Variants in CNTN4 observed in about 807,000 individuals in gnomAD.
The protein encoded by CNTN4 is contactin-4.
In CNTN4, 77 loss-of-function variants were observed where a neutral mutation model predicts 122.5. The ratio of observed to expected loss-of-function variants is 0.63; its 90% CI spans 0.52 to 0.76. The LOEUF is 0.76. Ranked by LOEUF, CNTN4 falls within the 30% of genes least tolerant of loss-of-function variation. The pLI is 0.00. For missense variants in CNTN4, 1,256 were observed against 1,259.1 expected, an observed-to-expected ratio of 1.00 and a Z score of 0.04; for synonymous variants, 512 against 447.0, an observed-to-expected ratio of 1.15 and a Z score of -1.83.
chr3:2,148,496 G>A (rs1358902553), intron 2 of CNTN4, among the ~76,000 whole-genome samples: 9 of 151,636 alleles, frequency 5.9e-5, no homozygotes, highest in African/African-American at 2.2e-4. Context: ...TTGCACCACT[G>A]CACTTCAGCC....
At chr3:2,323,411 C>T (rs924661) in intron 2 of CNTN4, among the ~76,000 whole-genome samples, 54,415 of 152,046 alleles carry the variant, frequency 0.36, 10,536 homozygotes, top group East Asian at 0.79. Flanking sequence ...AAGTGCACAT[C>T]CGTCCCTTAA....
At chr3:2,241,457 A>C (rs893723427) in intron 2 of CNTN4, among the ~76,000 whole-genome samples, 1 of 151,798 alleles carries the variant, frequency 6.6e-6, no homozygotes, top group African/African-American at 2.4e-5. Context: ...ATTTGCTCCT[A>C]TCTCTCTGTC....
intron 7 of CNTN4, among the ~76,000 whole-genome samples, chr3:2,822,011 G>T (rs906188081): frequency 6.6e-6 from 1 of 152,208 alleles, no homozygotes; most frequent in East Asian, 1.9e-4. Context: ...GGTGCTAAAA[G>T]GCATGTACTT....
At chr3:2,104,226 C>A (rs2032236626) in intron 2 of CNTN4, among the ~76,000 whole-genome samples, 1 of 135,920 alleles carries the variant, frequency 7.4e-6, no homozygotes, top group Non-Finnish European at 1.6e-5. Flanking sequence ...CCATTTATGT[C>A]TACGTGTGTG....
chr3:2,152,672 G>C (rs1316177951), intron 2 of CNTN4, among the ~76,000 whole-genome samples: 1 of 152,154 alleles, frequency 6.6e-6, no homozygotes, highest in Non-Finnish European at 1.5e-5. Flanking sequence ...GATTGGATGA[G>C]GTGAGGAGTG....
At chr3:2,269,390 G>C (rs141493561) in intron 2 of CNTN4, among the ~76,000 whole-genome samples, 1 of 152,058 alleles carries the variant, frequency 6.6e-6, no homozygotes, top group African/African-American at 2.4e-5. Context: ...ATGCATTTCA[G>C]CATCTCTAAA....
intron 15 of CNTN4, among the ~76,000 whole-genome samples, chr3:3,026,554 T>C (rs1156918752): frequency 6.6e-6 from 1 of 152,136 alleles, no homozygotes; most frequent in African/African-American, 2.4e-5. Flanking sequence ...TGACTTGCCT[T>C]GGCCTCATAG....
chr3:2,172,778 G>T (rs577737769), intron 2 of CNTN4, among the ~76,000 whole-genome samples: 2 of 152,094 alleles, frequency 1.3e-5, no homozygotes, highest in Admixed American at 6.6e-5. Context: ...CAAGTTAGAA[G>T]GCAATTAAAT....
At chr3:2,340,708 T>TAGAGAGAGAGAG (rs1414538595) in intron 3 of CNTN4, among the ~76,000 whole-genome samples, 8 of 25,360 alleles carry the variant, frequency 3.2e-4, no homozygotes, top group Non-Finnish European at 7.4e-4. Context: ...TATATATATA[T>TAGAGAGAGAGAG]ATAGAGAGAG....
intron 2 of CNTN4, among the ~76,000 whole-genome samples, chr3:2,241,867 C>T (rs13325443): frequency 0.018 from 2,700 of 152,176 alleles, 74 homozygotes; most frequent in African/African-American, 0.059. Flanking sequence ...GTTGTGTTTG[C>T]GGTGGGTGGG....
At position 2,825,778 on chromosome 3, in the gene CNTN4, G is replaced by A. The variant is rs116077737; in HGVS notation, c.454+6197G>A. Among the ~76,000 whole-genome samples the A allele has an allele frequency of 6.2e-3, 944 of 152,198 alleles. 11 individuals carry two copies. Among genetic ancestry groups the A allele is most frequent in the African/African-American group, 0.021 (891 of 41,528 alleles). ...TTATTGGTGAATGTATGGCTTCCCAGAGTATATTTAAAAAAGAAAACCACC... is the reference window on the plus strand; with the variant it reads ...TTATTGGTGAATGTATGGCTTCCCAAAGTATATTTAAAAAAGAAAACCACC... On this transcript the variant is annotated intron_variant, in intron 7 of 24. Coordinates refer to ENST00000418658, the MANE Select transcript of CNTN4 (RefSeq NM_175607.3).
At chr3:2,701,976 C>T (rs1234556881) in intron 4 of CNTN4, among the ~76,000 whole-genome samples, 1 of 152,136 alleles carries the variant, frequency 6.6e-6, no homozygotes, top group African/African-American at 2.4e-5. Flanking sequence ...TTATGGAGAT[C>T]TTAGCCAGAT....
intron 4 of CNTN4, among the ~76,000 whole-genome samples, chr3:2,635,558 A>G (rs2082626450): frequency 6.6e-6 from 1 of 152,092 alleles, no homozygotes; most frequent in South Asian, 2.1e-4. Context: ...TCTTTCAGTT[A>G]TTTTTGGAAG....
chr3:2,989,365 G>C (rs1037792012), intron 14 of CNTN4, among the ~76,000 whole-genome samples: 1 of 152,048 alleles, frequency 6.6e-6, no homozygotes, highest in African/African-American at 2.4e-5. Context: ...GAAACAGGAA[G>C]CCTTTCCTGT....
chr3:2,304,178 A>G (rs570658524), intron 2 of CNTN4, among the ~76,000 whole-genome samples: 1 of 152,298 alleles, frequency 6.6e-6, no homozygotes, highest in African/African-American at 2.4e-5. Context: ...ATGTAAGTAG[A>G]TAATTTCTTT....
chr3:2,629,445 G>C lies in CNTN4; in HGVS notation c.55+57887G>C, dbSNP rs949982932. The C allele has an allele frequency of 3.2e-5, 12 of 376,706 alleles. No homozygotes were observed. In the Admixed American group the frequency reaches 3.7e-4, roughly 12 times the overall value. The allele number at this position is 376,706 out of a possible 1,614,324, so 23.3% of individuals were successfully genotyped here. A position where few individuals can be genotyped will look rare whatever the true frequency, so the allele number is the denominator to read the frequency against. On this transcript the variant is annotated intron_variant, in intron 4 of 24. Transcript: ENST00000418658. ...CTTTTCAAATATTCAATTTTCCCAA[G>C]TCCGGTGATCACCACTTGGTTTCTG...
chr3:2,787,708 G>A (rs1411941226), intron 6 of CNTN4, among the ~76,000 whole-genome samples: 1 of 151,916 alleles, frequency 6.6e-6, no homozygotes, highest in Non-Finnish European at 1.5e-5. Context: ...GGATGCAATA[G>A]CGCATACTTT....
At chr3:2,979,114 C>A (rs1382421183) in intron 13 of CNTN4, among the ~76,000 whole-genome samples, 1 of 152,188 alleles carries the variant, frequency 6.6e-6, no homozygotes, top group Non-Finnish European at 1.5e-5. Context: ...TGACTGCCGG[C>A]ACCTTTGTGG....
intron 4 of CNTN4, among the ~76,000 whole-genome samples, chr3:2,636,441 C>T (rs1003715293): frequency 6.6e-6 from 1 of 152,140 alleles, no homozygotes; most frequent in Non-Finnish European, 1.5e-5. Flanking sequence ...CTACAACCTG[C>T]TCACCTGGGG....
Sources: allele counts gnomAD v4.1 joint callset (sites outside exome capture counted in the v4.1 genomes callset), GRCh38; gene constraint gnomAD v4.1.1; transcripts MANE v1.5; gene names NCBI Gene and HGNC (gene_info 2026-07-23, HGNC 2026-07-21).